The following STARD13 variants were observed in gnomAD, a reference collection of about 807,000 sequenced individuals.
STARD13 encodes StAR related lipid transfer domain containing 13.
A neutral mutation model predicts 106.4 loss-of-function variants in STARD13; 62 were observed. The observed-to-expected ratio is 0.58, with a 90% confidence interval of 0.48 to 0.72. STARD13 has a LOEUF of 0.72. Ranked by LOEUF, STARD13 falls within the 30% of genes least tolerant of loss-of-function variation. The probability of loss-of-function intolerance (pLI) is 0.00; values close to 1 mark genes in which losing one functional copy is unlikely to be tolerated. For missense variants in STARD13, 1,387 were observed against 1,424.0 expected (o/e 0.97, Z 0.42); for synonymous variants, 565 against 553.0 (o/e 1.02, Z -0.31).
intron 1 of STARD13, among the ~76,000 whole-genome samples, chr13:33,242,731 C>T (rs1889593141): frequency 6.6e-6 from 1 of 151,316 alleles, no homozygotes; most frequent in Admixed American, 6.6e-5. Flanking sequence ...CCAAGAAACA[C>T]CCAAGAATGA....
At chr13:33,344,884 C>T (rs185084037), downstream of STARD13, among the ~76,000 whole-genome samples, 32 of 152,212 alleles carry the variant, frequency 2.1e-4, no homozygotes, top group Admixed American at 7.2e-4. Context: ...GGTTTTAAAG[C>T]AGAGAATCAG....
the STARD13 span, among the ~76,000 whole-genome samples, chr13:33,558,866 G>A: frequency 1.3e-5 from 2 of 151,476 alleles, no homozygotes; most frequent in South Asian, 4.1e-4. Context: ...CCCAATATTA[G>A]AGTTTTATTT....
chr13:33,238,939 T>C (rs1226717442), intron 1 of STARD13, among the ~76,000 whole-genome samples: 1 of 152,068 alleles, frequency 6.6e-6, no homozygotes, highest in African/African-American at 2.4e-5. Context: ...CATTAGTGTT[T>C]TTTCTATGTA....
At chr13:33,307,516 A>G (rs4516084) in intron 1 of STARD13, among the ~76,000 whole-genome samples, 148,645 of 152,270 alleles carry the variant, frequency 0.98, 72,653 homozygotes, top group East Asian at 1. Context: ...GCAGGGACAT[A>G]GATGGAGCTG....
At chr13:33,245,197 C>A (rs567970226) in intron 1 of STARD13, among the ~76,000 whole-genome samples, 1 of 152,096 alleles carries the variant, frequency 6.6e-6, no homozygotes, top group East Asian at 1.9e-4. Flanking sequence ...TTGGTTCTAG[C>A]GGAAAATTTT....
chr13:33,537,629 G>A, the STARD13 span, among the ~76,000 whole-genome samples: 1 of 151,738 alleles, frequency 6.6e-6, no homozygotes, highest in South Asian at 2.1e-4. Flanking sequence ...TTGAAATTAC[G>A]GTAAAAAATC....
At chr13:33,612,720 A>G in the STARD13 span, among the ~76,000 whole-genome samples, 1 of 152,196 alleles carries the variant, frequency 6.6e-6, no homozygotes, top group African/African-American at 2.4e-5. Context: ...CCTGGGCCCC[A>G]TGCAAATTTA....
At chr13:33,320,305 G>C (rs1159588943) in intron 1 of STARD13, among the ~76,000 whole-genome samples, 7 of 152,182 alleles carry the variant, frequency 4.6e-5, no homozygotes, top group African/African-American at 1.4e-4. Flanking sequence ...TCAAACTCTA[G>C]GGCCCTTTTC....
the STARD13 span, among the ~76,000 whole-genome samples, chr13:33,482,562 CG>C: frequency 4.0e-4 from 60 of 151,826 alleles, no homozygotes; most frequent in Non-Finnish European, 7.7e-4. Context: ...GTGTTTCTTC[CG>C]TGTTTAACAA....
At chr13:33,580,881 T>A in the STARD13 span, among the ~76,000 whole-genome samples, 25 of 152,194 alleles carry the variant, frequency 1.6e-4, no homozygotes, top group African/African-American at 4.8e-4. Context: ...CAAAAAAGTA[T>A]CAAAACTGTA....
chr13:33,170,890 C>T (rs760661648), intron 1 of STARD13, among the ~76,000 whole-genome samples: 1 of 152,108 alleles, frequency 6.6e-6, no homozygotes, highest in East Asian at 1.9e-4. Flanking sequence ...GTTTGCCCAT[C>T]CAATTGAGGG....
At chr13:33,628,792 C>G in the STARD13 span, among the ~76,000 whole-genome samples, 4,014 of 152,280 alleles carry the variant, frequency 0.026, 155 homozygotes, top group African/African-American at 0.091. Context: ...GACCTGCATT[C>G]AAATCCCAGA....
rs147542013 is a variant in STARD13, at chr13:33,247,727, T to G, written c.169+37743A>C. On this transcript the variant is annotated intron_variant, in intron 1 of 13. Transcript: ENST00000336934. ...ATGAATGGCCCTCACTTGTAAGTGCTGGAACCGTGATTCACTCACTCTACT... is the reference window on the plus strand; with the variant it reads ...ATGAATGGCCCTCACTTGTAAGTGCGGGAACCGTGATTCACTCACTCTACT... 1.9e-3 allele frequency among the ~76,000 whole-genome samples: 282 copies of G among 152,324 alleles called. 3 individuals carry two copies. The highest frequency in any genetic ancestry group is 0.017 in the Admixed American group (267 of 15,302).
At chr13:33,513,152 G>C in the STARD13 span, among the ~76,000 whole-genome samples, 1 of 152,152 alleles carries the variant, frequency 6.6e-6, no homozygotes, top group Admixed American at 6.5e-5. Flanking sequence ...TGTGCTGACT[G>C]TTGACTTATC....
At chr13:33,315,508 C>A (rs527652652) in intron 1 of STARD13, among the ~76,000 whole-genome samples, 1 of 152,220 alleles carries the variant, frequency 6.6e-6, no homozygotes, top group South Asian at 2.1e-4. Context: ...ACCCTTAAGA[C>A]CCTTAATTGG....
At chr13:33,286,357 A>G (rs1303803540), upstream of STARD13, among the ~76,000 whole-genome samples, 2 of 152,122 alleles carry the variant, frequency 1.3e-5, no homozygotes, top group African/African-American at 2.4e-5. Context: ...TACAGATAAG[A>G]CTCAGAGAGG....
chr13:33,469,971 G>A, the STARD13 span, among the ~76,000 whole-genome samples: 2 of 151,974 alleles, frequency 1.3e-5, no homozygotes, highest in African/African-American at 4.8e-5. Flanking sequence ...GTTTAGCATA[G>A]GTATACATGT....
intron 1 of STARD13, among the ~76,000 whole-genome samples, chr13:33,217,982 TAC>T (rs200906338): frequency 1.6e-5 from 2 of 121,486 alleles, no homozygotes; most frequent in Non-Finnish European, 3.4e-5. Flanking sequence ...CAGACTATAT[TAC>T]ACACACATAC....
the STARD13 span, among the ~76,000 whole-genome samples, chr13:33,419,873 G>C: frequency 3.3e-5 from 5 of 152,266 alleles, no homozygotes; most frequent in Admixed American, 6.5e-5. Flanking sequence ...ATAAGTGAAG[G>C]ACAAATAAAA....
Sources: gnomAD v4.1 joint callset for allele counts (sites outside exome capture counted in the v4.1 genomes callset) on GRCh38, gnomAD v4.1.1 for gene constraint, MANE v1.5 for transcripts, NCBI Gene and HGNC (gene_info 2026-07-23, HGNC 2026-07-21) for gene names.